SPOCK3: variants seen among roughly 807,000 people sequenced by gnomAD.
SPOCK3 encodes the protein SPARC (osteonectin), cwcv and kazal like domains proteoglycan 3.
In SPOCK3, 30 loss-of-function variants were observed where a neutral mutation model predicts 56.6. That is an observed-to-expected ratio of 0.53 (90% CI 0.40 to 0.72). SPOCK3 has a LOEUF of 0.72. SPOCK3 is among the 30% of genes least tolerant of loss of function. The pLI is 0.00. For missense variants in SPOCK3, 527 were observed against 530.0 expected, an observed-to-expected ratio of 0.99 and a Z score of 0.06; for synonymous variants, 196 against 183.3, an observed-to-expected ratio of 1.07 and a Z score of -0.56.
intron 5 of SPOCK3, 124 bp from the exon 6 acceptor site, chr4:166,889,368 T>C: frequency 1.6e-6 from 1 of 622,646 alleles, no homozygotes; most frequent in South Asian, 2.0e-5. Context: ...CACCAGGTAA[T>C]ACGTCTCCAA....
At chr4:166,981,415 G>T (rs1198095935) in intron 4 of SPOCK3, among the ~76,000 whole-genome samples, 2 of 150,118 alleles carry the variant, frequency 1.3e-5, no homozygotes, top group Non-Finnish European at 3.0e-5. Flanking sequence ...AGCTCTCAGA[G>T]GGTAGGCGAC....
chr4:166,790,379 G>C (rs1741211464), intron 7 of SPOCK3, among the ~76,000 whole-genome samples: 1 of 152,160 alleles, frequency 6.6e-6, no homozygotes, highest in Non-Finnish European at 1.5e-5. Flanking sequence ...TTCACCCATA[G>C]GGTGCACAGA....
rs1441066671 is a variant in SPOCK3 at position 166,935,860 on chromosome 4, A to AAGAT, written c.351-23121_351-23118dup. ...AGTGGCTGCATTCTAATATATTTTG[A>AAGAT]AGATAGAGATAACAACATTTGCCTA... On this transcript the variant is annotated intron_variant, in intron 4 of 10. Transcript: ENST00000357545. Among the ~76,000 whole-genome samples, 17 of 152,316 alleles carry AAGAT rather than the reference A, an allele frequency of 1.1e-4. 1 individual carries two copies. Among genetic ancestry groups the AAGAT allele is most frequent in the African/African-American group, 4.1e-4 (17 of 41,568 alleles).
At chr4:166,951,243 A>C (rs1742578372) in intron 4 of SPOCK3, among the ~76,000 whole-genome samples, 1 of 141,944 alleles carries the variant, frequency 7.0e-6, no homozygotes, top group East Asian at 2.0e-4. Flanking sequence ...AAAATGATAA[A>C]GGGGATATCA....
intron 7 of SPOCK3, among the ~76,000 whole-genome samples, chr4:166,775,838 T>G (rs1380907076): frequency 1.3e-5 from 2 of 152,194 alleles, no homozygotes; most frequent in Non-Finnish European, 2.9e-5. Context: ...GCTAAGTATA[T>G]GCCAAACACT....
intron 3 of SPOCK3, among the ~76,000 whole-genome samples, chr4:167,023,086 A>T (rs1751353394): frequency 6.6e-6 from 1 of 151,854 alleles, no homozygotes; most frequent in African/African-American, 2.4e-5. Flanking sequence ...TTTTTGGCTA[A>T]ATGGTTTTTC....
Position 167,119,796 on chromosome 4 carries a change from G to T in SPOCK3, c.190-57259C>A. The stretch of plus-strand genomic sequence containing the variant: ...ATATATTTAACAATTTTCATTACCT[G>T]ACTGAGCCCAGAAGACATGTGGATG... On this transcript the variant is annotated intron_variant, in intron 2 of 10. Transcript: ENST00000357545. The T allele has an allele frequency of 2.6e-6, 4 of 1,532,914 alleles. No homozygotes were observed. The South Asian group carries it at 3.6e-5, about 14-fold the overall frequency. 95.0% of individuals were successfully genotyped at this position (1,532,914 alleles called of 1,614,324 possible).
Position 166,814,022 on chromosome 4 carries a change from G to T in SPOCK3, c.590-21733C>A, listed in dbSNP as rs145560580. 3.4e-3 allele frequency among the ~76,000 whole-genome samples: 511 copies of T among 152,096 alleles called. 2 individuals carry two copies. The highest frequency in any genetic ancestry group is 0.012 in the African/African-American group (487 of 41,526). ...TGAAATTACTGATGCCTTACAAAAA[G>T]TTTACAGGAACAATATCCCCCACCT... On this transcript the variant is annotated intron_variant, in intron 6 of 10. Transcript: ENST00000357545.
intron 3 of SPOCK3, among the ~76,000 whole-genome samples, chr4:167,032,471 A>G (rs1020231961): frequency 6.6e-6 from 1 of 151,934 alleles, no homozygotes; most frequent in Non-Finnish European, 1.5e-5. Flanking sequence ...CACAGATTAC[A>G]ATAGTGTCAA....
intron 2 of SPOCK3, among the ~76,000 whole-genome samples, chr4:167,220,057 A>C (rs1036445333): frequency 7.9e-5 from 12 of 152,108 alleles, no homozygotes; most frequent in Non-Finnish European, 1.8e-4. Flanking sequence ...AAAACAGAAA[A>C]CTATGTTTTC....
chr4:166,956,094 A>T (rs898640272), intron 4 of SPOCK3, among the ~76,000 whole-genome samples: 6 of 151,906 alleles, frequency 3.9e-5, no homozygotes, highest in Non-Finnish European at 7.4e-5. Context: ...CTCCACCCAA[A>T]TTCAGCCACT....
chr4:166,792,322 A>G (rs1234492550), intron 6 of SPOCK3, 33 bp from the exon 7 acceptor site: 1 of 1,611,320 alleles, frequency 6.2e-7, no homozygotes, highest in Admixed American at 1.7e-5. Context: ...AGTCTTGAAT[A>G]ATATCTTAGT....
intron 6 of SPOCK3, among the ~76,000 whole-genome samples, chr4:166,873,114 A>G (rs1258775266): frequency 6.6e-6 from 1 of 151,832 alleles, no homozygotes. Flanking sequence ...TCCCAACACC[A>G]CCAGACTGGG....
At chr4:166,991,513 G>C (rs1391965557) in intron 4 of SPOCK3, among the ~76,000 whole-genome samples, 1 of 151,884 alleles carries the variant, frequency 6.6e-6, no homozygotes, top group Non-Finnish European at 1.5e-5. Context: ...GGGATTACAG[G>C]CATGCGCCAC....
At chr4:166,777,616 C>T (rs1403118711) in intron 7 of SPOCK3, among the ~76,000 whole-genome samples, 1 of 152,060 alleles carries the variant, frequency 6.6e-6, no homozygotes, top group African/African-American at 2.4e-5. Context: ...CACCTACAGT[C>T]ACAGCTACTA....
intron 2 of SPOCK3, among the ~76,000 whole-genome samples, chr4:167,072,361 A>G (rs1756765852): frequency 6.6e-6 from 1 of 152,020 alleles, no homozygotes; most frequent in South Asian, 2.1e-4. Flanking sequence ...TAACTGCTTT[A>G]GTGCTTACCA....
intron 2 of SPOCK3, among the ~76,000 whole-genome samples, chr4:167,116,093 A>G (rs895658804): frequency 2.2e-4 from 34 of 152,078 alleles, no homozygotes; most frequent in African/African-American, 7.5e-4. Context: ...ATAACATCTC[A>G]TGGAGTACAA....
intron 5 of SPOCK3, 58 bp downstream of exon 5, chr4:166,912,562 C>T: frequency 6.6e-7 from 1 of 1,504,818 alleles, no homozygotes; most frequent in Non-Finnish European, 9.2e-7. Flanking sequence ...TGGTTTTAAT[C>T]ATTTACTAAT....
intron 2 of SPOCK3, among the ~76,000 whole-genome samples, chr4:167,216,881 C>T (rs35970214): frequency 0.03 from 4,582 of 152,116 alleles, 108 homozygotes; most frequent in Middle Eastern, 0.075. Flanking sequence ...TTTGGAAAAG[C>T]ATCAGTTTAA....
Sources: gnomAD v4.1 joint callset for allele counts (sites outside exome capture counted in the v4.1 genomes callset) on GRCh38, gnomAD v4.1.1 for gene constraint, MANE v1.5 for transcripts, NCBI Gene and HGNC (gene_info 2026-07-23, HGNC 2026-07-21) for gene names.